Variants in CACNA2D1 observed in about 807,000 individuals in gnomAD.
The protein encoded by CACNA2D1 is voltage-dependent calcium channel subunit alpha-2/delta-1.
Under a neutral mutation model 171.5 loss-of-function variants are expected in CACNA2D1, and 53 were observed. That is an observed-to-expected ratio of 0.31 (90% CI 0.25 to 0.39). CACNA2D1 has a LOEUF of 0.39. Ranked by LOEUF, CACNA2D1 falls within the 10% of genes least tolerant of loss-of-function variation. The pLI, the probability that CACNA2D1 is intolerant of heterozygous loss-of-function variation, is 1.00. For synonymous variants in CACNA2D1, 442 were observed against 443.1 expected (o/e 1.00, Z 0.03); for missense variants, 903 against 1,299.8 (o/e 0.69, Z 4.69).
At chr7:82,236,423 A>G (rs940405127) in intron 3 of CACNA2D1, among the ~76,000 whole-genome samples, 1 of 152,054 alleles carries the variant, frequency 6.6e-6, no homozygotes, top group Non-Finnish European at 1.5e-5. Flanking sequence ...TACTCTAGAC[A>G]TGCATAACTA....
chr7:82,117,258 T>A, intron 5 of CACNA2D1, 85 bp from the exon 6 acceptor site: 1 of 1,312,800 alleles, frequency 7.6e-7, no homozygotes, highest in Non-Finnish European at 1.1e-6. Flanking sequence ...GCCAAATGCA[T>A]ATTTTTCAAA....
At chr7:82,021,413 G>C (rs891171801) in intron 12 of CACNA2D1, among the ~76,000 whole-genome samples, 1 of 152,004 alleles carries the variant, frequency 6.6e-6, no homozygotes, top group Admixed American at 6.6e-5. Context: ...ATCTATAACA[G>C]TTTTATTCCA....
chr7:82,420,488 A>C (rs1180012674), intron 1 of CACNA2D1, among the ~76,000 whole-genome samples: 2 of 152,184 alleles, frequency 1.3e-5, no homozygotes, highest in Non-Finnish European at 2.9e-5. Flanking sequence ...TCCACCCTTA[A>C]ATATGAAACT....
intron 3 of CACNA2D1, among the ~76,000 whole-genome samples, chr7:82,333,276 G>C (rs557574615): frequency 6.6e-6 from 1 of 152,050 alleles, no homozygotes; most frequent in Non-Finnish European, 1.5e-5. Flanking sequence ...AAAGGTAAAA[G>C]TTTAAGAATA....
chr7:82,188,418 T>C (rs1452691153), intron 3 of CACNA2D1, among the ~76,000 whole-genome samples: 9 of 152,076 alleles, frequency 5.9e-5, no homozygotes, highest in Non-Finnish European at 1.3e-4. Context: ...TTTTGGCTGA[T>C]TGAATGTTGA....
chr7:82,322,469 A>T (rs1044918509), intron 3 of CACNA2D1, among the ~76,000 whole-genome samples: 4 of 149,380 alleles, frequency 2.7e-5, no homozygotes, highest in African/African-American at 4.9e-5. Flanking sequence ...AAAAAAAAAA[A>T]AATTAAAATT....
chr7:81,982,458 T>A (rs2130635466), intron 24 of CACNA2D1, 109 bp downstream of exon 24: 1 of 731,200 alleles, frequency 1.4e-6, no homozygotes, highest in Admixed American at 2.0e-5. Flanking sequence ...TTCCTTTGAT[T>A]CCATAATGTG....
At chr7:82,397,583 A>C (rs1215471965) in intron 1 of CACNA2D1, among the ~76,000 whole-genome samples, 2 of 152,256 alleles carry the variant, frequency 1.3e-5, no homozygotes, top group Non-Finnish European at 2.9e-5. Flanking sequence ...ATACAAAGGC[A>C]AATCAGTGAT....
chr7:82,413,053 T>C (rs1022159627), intron 1 of CACNA2D1, among the ~76,000 whole-genome samples: 5 of 152,134 alleles, frequency 3.3e-5, no homozygotes, highest in African/African-American at 9.6e-5. Context: ...AGAAGTACTA[T>C]TATTTGAATT....
intron 12 of CACNA2D1, among the ~76,000 whole-genome samples, chr7:82,017,562 C>G (rs976070359): frequency 6.6e-6 from 1 of 152,014 alleles, no homozygotes; most frequent in Non-Finnish European, 1.5e-5. Flanking sequence ...GAACTAAATT[C>G]CAGATGCTAA....
At chr7:82,374,853 G>A (rs954674315) in intron 1 of CACNA2D1, among the ~76,000 whole-genome samples, 2 of 151,486 alleles carry the variant, frequency 1.3e-5, no homozygotes, top group Non-Finnish European at 2.9e-5. Context: ...TGGATATGTA[G>A]ATTGTATCTG....
At chr7:81,967,481 C>G in intron 30 of CACNA2D1, 115 bp downstream of exon 30, 1 of 662,410 alleles carries the variant, frequency 1.5e-6, no homozygotes, top group East Asian at 2.8e-5. Flanking sequence ...CAGAATTCTA[C>G]TTCAGTGTAG....
At chr7:82,044,571 A>C (rs1236769304) in intron 10 of CACNA2D1, among the ~76,000 whole-genome samples, 1 of 152,196 alleles carries the variant, frequency 6.6e-6, no homozygotes, top group African/African-American at 2.4e-5. Context: ...GATAACATAC[A>C]CAACAAATTT....
At chr7:82,182,658 C>T (rs1221487233) in intron 3 of CACNA2D1, among the ~76,000 whole-genome samples, 2 of 151,682 alleles carry the variant, frequency 1.3e-5, no homozygotes, top group East Asian at 1.9e-4. Context: ...ATTTAATATA[C>T]ATCTGACAAA....
chr7:82,064,167 C>G (rs1276620611), intron 9 of CACNA2D1, 137 bp downstream of exon 9: 1 of 536,638 alleles, frequency 1.9e-6, no homozygotes, highest in East Asian at 3.0e-5. Context: ...GCTTCATTGC[C>G]TGAATATAAA....
intron 3 of CACNA2D1, among the ~76,000 whole-genome samples, chr7:82,240,152 C>A (rs561147580): frequency 6.6e-6 from 1 of 152,268 alleles, no homozygotes; most frequent in South Asian, 2.1e-4. Context: ...GTCATACACA[C>A]CCACGTTTAA....
intron 4 of CACNA2D1, among the ~76,000 whole-genome samples, chr7:82,144,248 T>A (rs578220347): frequency 6.6e-6 from 1 of 152,214 alleles, no homozygotes; most frequent in Non-Finnish European, 1.5e-5. Context: ...CTGATACTAA[T>A]ACCATACTTC....
At chr7:81,969,802 A>T in intron 28 of CACNA2D1, 79 bp downstream of exon 28, 1 of 790,168 alleles carries the variant, frequency 1.3e-6, no homozygotes, top group Non-Finnish European at 2.2e-6. Context: ...AAATGTAGTG[A>T]TTTGGGGGGA....
chr7:82,190,803 C>T (rs1215366033), intron 3 of CACNA2D1, among the ~76,000 whole-genome samples: 1 of 151,366 alleles, frequency 6.6e-6, no homozygotes, highest in Non-Finnish European at 1.5e-5. Flanking sequence ...TGGATCTATC[C>T]CTATCATTTT....
Sources: gnomAD v4.1 joint callset for allele counts (sites outside exome capture counted in the v4.1 genomes callset) on GRCh38, gnomAD v4.1.1 for gene constraint, MANE v1.5 for transcripts, NCBI Gene and HGNC (gene_info 2026-07-23, HGNC 2026-07-21) for gene names.